The following FARS2 variants were observed in gnomAD, a reference collection of about 807,000 sequenced individuals.
FARS2 encodes the protein phenylalanyl-tRNA synthetase 2, mitochondrial.
FARS2 carries 40 observed loss-of-function variants against 46.4 expected under a neutral mutation model. The observed-to-expected ratio is 0.86, with a 90% confidence interval of 0.67 to 1.12. FARS2 has a LOEUF of 1.12. FARS2 is among the 50% of genes most tolerant of loss of function. The pLI is 0.00. For missense variants in FARS2, 513 were observed against 567.9 expected (o/e 0.90, Z 0.98); for synonymous variants, 234 against 214.9 (o/e 1.09, Z -0.78).
Position 5,648,151 on chromosome 6 carries a change from C to T in FARS2, c.1217+34831C>T, listed in dbSNP as rs181757568. Among the ~76,000 whole-genome samples, 643 of 152,276 alleles carry T rather than the reference C, an allele frequency of 4.2e-3. 2 individuals carry two copies. The highest frequency in any genetic ancestry group is 0.013 in the African/African-American group (537 of 41,550). On this transcript the variant is annotated intron_variant, in intron 6 of 6. Coordinates refer to ENST00000274680, the MANE Select transcript of FARS2 (RefSeq NM_006567.5). ...TAGTCCACAAGACCTAAGATAATTC[C>T]GGAGAATTTCCCTTCAGTGAAGTCA...
chr6:5,530,814 AT>A (rs1404976084), intron 4 of FARS2, among the ~76,000 whole-genome samples: 1 of 147,374 alleles, frequency 6.8e-6, no homozygotes, highest in African/African-American at 2.5e-5. Flanking sequence ...AAATATATCA[AT>A]ATATAAATGG....
At chr6:5,617,861 CATT>C in intron 6 of FARS2, among the ~76,000 whole-genome samples, 1 of 152,266 alleles carries the variant, frequency 6.6e-6, no homozygotes, top group African/African-American at 2.4e-5. Flanking sequence ...TTTTAGATCT[CATT>C]ATTGACAGCC....
chr6:5,499,325 C>G (rs1405418417), intron 4 of FARS2, among the ~76,000 whole-genome samples: 1 of 152,060 alleles, frequency 6.6e-6, no homozygotes, highest in East Asian at 1.9e-4. Flanking sequence ...TGGTGCTTCC[C>G]TAGTGGTTTT....
chr6:5,468,379 A>T (rs1170976734), intron 4 of FARS2, among the ~76,000 whole-genome samples: 1 of 151,848 alleles, frequency 6.6e-6, no homozygotes, highest in African/African-American at 2.4e-5. Flanking sequence ...AAAGAAAAAA[A>T]GTTAGCCATA....
At chr6:5,608,487 C>G (rs994589522) in intron 5 of FARS2, among the ~76,000 whole-genome samples, 1 of 152,096 alleles carries the variant, frequency 6.6e-6, no homozygotes, top group African/African-American at 2.4e-5. Context: ...TCACCTATGA[C>G]TTCTAAAGTC....
chr6:5,662,290 C>T (rs137921040), intron 6 of FARS2, among the ~76,000 whole-genome samples: 1,800 of 152,300 alleles, frequency 0.012, 30 homozygotes, highest in Middle Eastern at 0.044. Context: ...ATTATTATTA[C>T]AGTTCTACAT....
At chr6:5,353,665 T>C (rs1034184959) in intron 1 of FARS2, among the ~76,000 whole-genome samples, 8 of 152,038 alleles carry the variant, frequency 5.3e-5, no homozygotes, top group African/African-American at 1.9e-4. Context: ...TTCATATATC[T>C]GTTGGCCATT....
At chr6:5,628,648 C>T (rs747997948) in intron 6 of FARS2, among the ~76,000 whole-genome samples, 1 of 152,212 alleles carries the variant, frequency 6.6e-6, no homozygotes, top group Non-Finnish European at 1.5e-5. Flanking sequence ...TACCTAGGAA[C>T]CATCCCCGGC....
intron 4 of FARS2, among the ~76,000 whole-genome samples, chr6:5,517,395 T>C (rs1030454180): frequency 6.6e-6 from 1 of 152,104 alleles, no homozygotes; most frequent in Non-Finnish European, 1.5e-5. Flanking sequence ...GCAGATCCAC[T>C]TGAGTTCAGG....
At chr6:5,273,508 G>T (rs1223894237) in intron 1 of FARS2, among the ~76,000 whole-genome samples, 2 of 114,022 alleles carry the variant, frequency 1.8e-5, no homozygotes, top group Admixed American at 9.2e-5. Flanking sequence ...TTTTTAATCA[G>T]ATTGTGTTTT....
At chr6:5,744,045 G>C (rs1446904758) in intron 6 of FARS2, among the ~76,000 whole-genome samples, 1 of 152,232 alleles carries the variant, frequency 6.6e-6, no homozygotes, top group Admixed American at 6.5e-5. Flanking sequence ...ACTACTTCCT[G>C]TGAGACAGGA....
At chr6:5,497,696 T>C (rs1767554409) in intron 4 of FARS2, among the ~76,000 whole-genome samples, 1 of 152,194 alleles carries the variant, frequency 6.6e-6, no homozygotes, top group Non-Finnish European at 1.5e-5. Context: ...ATATGTAAAA[T>C]ATTTTCCTCA....
At chr6:5,513,575 C>T (rs897988115) in intron 4 of FARS2, among the ~76,000 whole-genome samples, 1 of 152,212 alleles carries the variant, frequency 6.6e-6, no homozygotes, top group African/African-American at 2.4e-5. Context: ...TGTGTCTTTT[C>T]GTTCTGGCTG....
intron 6 of FARS2, among the ~76,000 whole-genome samples, chr6:5,714,748 G>A (rs1759391801): frequency 6.6e-6 from 1 of 152,122 alleles, no homozygotes; most frequent in East Asian, 1.9e-4. Flanking sequence ...CATCCGGCCA[G>A]GCGCGGTGGC....
chr6:5,252,364 T>A, the FARS2 span, among the ~76,000 whole-genome samples: 2 of 152,334 alleles, frequency 1.3e-5, no homozygotes, highest in East Asian at 3.9e-4. Context: ...TATGCCTCAC[T>A]CTGCCTTGAA....
At chr6:5,564,460 A>G (rs1772208164) in intron 5 of FARS2, among the ~76,000 whole-genome samples, 1 of 152,136 alleles carries the variant, frequency 6.6e-6, no homozygotes, top group Non-Finnish European at 1.5e-5. Flanking sequence ...TCACCACTTG[A>G]TTCACAGGAT....
chr6:5,285,144 A>T (rs937590419), intron 1 of FARS2, among the ~76,000 whole-genome samples: 1 of 152,210 alleles, frequency 6.6e-6, no homozygotes, highest in Non-Finnish European at 1.5e-5. Context: ...GCGAGAAAGA[A>T]AAGGCCACAG....
intron 1 of FARS2, among the ~76,000 whole-genome samples, chr6:5,313,141 G>C (rs773835724): frequency 6.6e-6 from 1 of 152,170 alleles, no homozygotes; most frequent in African/African-American, 2.4e-5. Flanking sequence ...TACACATATA[G>C]TGGTTCATTG....
intron 5 of FARS2, among the ~76,000 whole-genome samples, chr6:5,571,276 A>G (rs976496631): frequency 2.0e-5 from 3 of 152,198 alleles, no homozygotes; most frequent in African/African-American, 7.2e-5. Flanking sequence ...GCAGATGTCA[A>G]TTTCATTTTG....
Sources: allele counts gnomAD v4.1 joint callset (sites outside exome capture counted in the v4.1 genomes callset), GRCh38; gene constraint gnomAD v4.1.1; transcripts MANE v1.5; gene names NCBI Gene and HGNC (gene_info 2026-07-23, HGNC 2026-07-21).